The following KANK1 variants were observed in gnomAD, a reference collection of about 807,000 sequenced individuals.
The protein encoded by KANK1 is KN motif and ankyrin repeat domain-containing protein 1.
KANK1 carries 109 observed loss-of-function variants against 106.2 expected under a neutral mutation model. That is an observed-to-expected ratio of 1.03 (90% confidence interval 0.88 to 1.20). The LOEUF (loss-of-function observed/expected upper bound fraction) is 1.20. Ranked by LOEUF, KANK1 falls within the 50% of genes most tolerant of loss-of-function variation. KANK1 has a pLI of 0.00. For synonymous variants in KANK1, 873 were observed against 652.2 expected, an observed-to-expected ratio of 1.34 and a Z score of -5.16; for missense variants, 2,399 against 1,710.7, an observed-to-expected ratio of 1.40 and a Z score of -7.10.
chr9:710,999 C>G lies in KANK1; in HGVS notation c.233C>G (p.Thr78Ser). 2 of 1,614,178 alleles carry G rather than the reference C, an allele frequency of 1.2e-6. No homozygotes were observed. Among genetic ancestry groups the G allele is most frequent in the Middle Eastern group, 1.6e-4 (1 of 6,062 alleles). The stretch of plus-strand genomic sequence containing the variant: ...TCCGTGCCATGCCCAGAACCCAGGA[C>G]CACATCTGGTCAGCAAGGTATATGG... ...KPSVPCPEPR[T>S]TSGQQGIWTS... The change falls in exon 3 of 12, where the codon ACC becomes AGC. Residue 78 changes from threonine (T) to serine (S), a missense_variant. Physicochemically the swap from Thr to Ser is moderately conservative, Grantham distance 58. Transcript: ENST00000382297.
chr9:652,225 G>T (rs1202668040), intron 1 of KANK1, among the ~76,000 whole-genome samples: 1 of 152,100 alleles, frequency 6.6e-6, no homozygotes, highest in Non-Finnish European at 1.5e-5. Context: ...ATTCATCAGA[G>T]TGTTTGCAGT....
rs552705337 is a variant in KANK1 at position 642,340 on chromosome 9, A to G, written c.-83-34550A>G. ...AGGGAATAACCTTTGAGGGTCACAT[A>G]CAAAAAGCCATTTCCTCATCCTCCC... On this transcript the variant is annotated intron_variant, in intron 1 of 11. Transcript: ENST00000382297. 6.8e-4 allele frequency among the ~76,000 whole-genome samples: 102 copies of G among 151,068 alleles called. 6 individuals carry two copies. Among genetic ancestry groups the G allele is most frequent in the African/African-American group, 2.5e-3 (100 of 40,370 alleles).
At chr9:650,225 G>T (rs1433975676) in intron 1 of KANK1, among the ~76,000 whole-genome samples, 1 of 152,096 alleles carries the variant, frequency 6.6e-6, no homozygotes, top group African/African-American at 2.4e-5. Context: ...TTTCTCTGTT[G>T]GCAGCTGTAT....
At chr9:544,936 G>A (rs958292082) in intron 1 of KANK1, among the ~76,000 whole-genome samples, 4 of 152,146 alleles carry the variant, frequency 2.6e-5, no homozygotes, top group African/African-American at 9.7e-5. Context: ...GCTGGCTGGA[G>A]GAATCCCTCC....
rs71314728 is a variant in KANK1, at chr9:704,992, C to CAAA, written c.38-5789_38-5787dup. Among the ~76,000 whole-genome samples, 31 of 53,064 alleles carry CAAA rather than the reference C, an allele frequency of 5.8e-4. 1 individual carries two copies. Among genetic ancestry groups the CAAA allele is most frequent in the African/African-American group, 1.1e-3 (13 of 11,802 alleles). The allele number at this position is 53,064 out of a possible 152,430, so 34.8% of individuals were successfully genotyped here. The stretch of plus-strand genomic sequence containing the variant: ...TGGGCAACAGAGTCGGACCCTGTCT[C>CAAA]AAAAAAAAAAAAAAAAAAAAAAAAA... On this transcript the variant is annotated intron_variant, in intron 2 of 11. Coordinates refer to ENST00000382297, the MANE Select transcript of KANK1 (RefSeq NM_015158.5).
At chr9:689,887 GTTT>G (rs961764922) in intron 2 of KANK1, among the ~76,000 whole-genome samples, 32 of 152,212 alleles carry the variant, frequency 2.1e-4, no homozygotes, top group African/African-American at 7.0e-4. Context: ...CATAGGTAGA[GTTT>G]TTGCAAGGTA....
rs576380042 is a variant in KANK1, at chr9:633,772, C to G, written c.-83-43118C>G. Among the ~76,000 whole-genome samples the G allele has an allele frequency of 7.2e-5, 11 of 152,282 alleles. No individual in the cohort carries two copies. In the South Asian group the frequency reaches 1.9e-3, roughly 26 times the overall value. ...GACTCAAAGGGTGTTCCTGCCTTAG[C>G]CTCCCAAGTAGCTGAGATTACAAGC... On this transcript the variant is annotated intron_variant, in intron 1 of 11. Coordinates refer to ENST00000382297, the MANE Select transcript of KANK1 (RefSeq NM_015158.5).
At chr9:630,927 C>T (rs1031983673) in intron 1 of KANK1, among the ~76,000 whole-genome samples, 1 of 151,438 alleles carries the variant, frequency 6.6e-6, no homozygotes, top group African/African-American at 2.4e-5. Context: ...CACACCCTAG[C>T]CTGGGTGACA....
At chr9:482,227 A>G (rs1233131250) in intron 3 of KANK1, among the ~76,000 whole-genome samples, 1 of 152,174 alleles carries the variant, frequency 6.6e-6, no homozygotes, top group Non-Finnish European at 1.5e-5. Flanking sequence ...CTCTTGGACA[A>G]TCACCCTTGA....
chr9:721,771 T>C (rs751481619), intron 3 of KANK1, among the ~76,000 whole-genome samples: 1 of 152,240 alleles, frequency 6.6e-6, no homozygotes, highest in African/African-American at 2.4e-5. Flanking sequence ...CTATTAATCT[T>C]ACAGTCTGCT....
At chr9:482,055 C>G (rs1465032140) in intron 3 of KANK1, among the ~76,000 whole-genome samples, 1 of 152,126 alleles carries the variant, frequency 6.6e-6, no homozygotes, top group Non-Finnish European at 1.5e-5. Context: ...GCCTCTGGAC[C>G]TCTCCCTTCT....
At chr9:502,492 A>G (rs143017467), upstream of KANK1, among the ~76,000 whole-genome samples, 105 of 151,618 alleles carry the variant, frequency 6.9e-4, no homozygotes, top group African/African-American at 2.4e-3. Context: ...GAAATAAAGG[A>G]GAGGTGAAGG....
intron 3 of KANK1, among the ~76,000 whole-genome samples, chr9:729,676 G>C (rs887587914): frequency 6.6e-6 from 1 of 152,182 alleles, no homozygotes; most frequent in Non-Finnish European, 1.5e-5. Context: ...TTTAGGCGTT[G>C]TCACATTTTG....
chr9:695,020 C>T (rs1820891654), intron 2 of KANK1, among the ~76,000 whole-genome samples: 1 of 152,150 alleles, frequency 6.6e-6, no homozygotes, highest in Non-Finnish European at 1.5e-5. Flanking sequence ...GTTCCACTGA[C>T]CCCCCTCATT....
chr9:552,742 A>G (rs1015766809), intron 1 of KANK1, among the ~76,000 whole-genome samples: 1 of 152,178 alleles, frequency 6.6e-6, no homozygotes, highest in African/African-American at 2.4e-5. Context: ...TAAAGAAAAT[A>G]TTTTGAAATG....
chr9:712,259 G>T lies in KANK1; in HGVS notation c.1493G>T (p.Arg498Met). 6.2e-7 allele frequency: 1 copy of T among 1,614,168 alleles called. No homozygotes were observed. The highest frequency in any genetic ancestry group is 8.5e-7 in the Non-Finnish European group (1 of 1,180,002). Residue 498 changes from arginine to methionine, a missense_variant, in exon 3 of 12, where the codon AGG becomes ATG. Arg to Met is a moderately conservative substitution (Grantham distance 91). Transcript: ENST00000382297. ...LKQELQAAGS[R>M]KKVDKATMAQ... ...CAAGAGCTGCAGGCTGCTGGATCGA[G>T]GAAAAAGGTTGACAAAGCCACGATG...
intron 1 of KANK1, among the ~76,000 whole-genome samples, chr9:648,147 G>C (rs990902688): frequency 6.7e-6 from 1 of 149,890 alleles, no homozygotes; most frequent in Non-Finnish European, 1.5e-5. Flanking sequence ...GGGACCACAG[G>C]CACACACCAC....
intron 2 of KANK1, among the ~76,000 whole-genome samples, chr9:686,056 A>G (rs763570707): frequency 1.3e-5 from 2 of 151,396 alleles, no homozygotes; most frequent in Non-Finnish European, 3.0e-5. Context: ...AACATCAAAG[A>G]GAGAGATGGG....
intron 1 of KANK1, among the ~76,000 whole-genome samples, chr9:530,918 T>C (rs1245731141): frequency 2.0e-5 from 3 of 152,142 alleles, no homozygotes; most frequent in Non-Finnish European, 4.4e-5. Flanking sequence ...ATTGTGGCAC[T>C]GCACTCCATC....
Sources: allele counts gnomAD v4.1 joint callset (sites outside exome capture counted in the v4.1 genomes callset), GRCh38; gene constraint gnomAD v4.1.1; transcripts MANE v1.5; gene names NCBI Gene and HGNC (gene_info 2026-07-23, HGNC 2026-07-21).